MAST3: variants seen among roughly 807,000 people sequenced by gnomAD.
MAST3 encodes the protein microtubule associated serine/threonine kinase 3.
In MAST3, 43 loss-of-function variants were observed where a neutral mutation model predicts 127.0. The observed-to-expected ratio is 0.34, with a 90% CI of 0.27 to 0.44. MAST3 has a LOEUF of 0.44. Ranked by LOEUF, MAST3 falls within the 20% of genes least tolerant of loss-of-function variation. The pLI, the probability that MAST3 is intolerant of heterozygous loss-of-function variation, is 1.00. For synonymous variants in MAST3, 785 were observed against 809.2 expected, an observed-to-expected ratio of 0.97 and a Z score of 0.51; for missense variants, 1,390 against 1,919.1, an observed-to-expected ratio of 0.72 and a Z score of 5.15.
At chr19:18,123,543 C>T (rs2040240257) in intron 7 of MAST3, 37 bp from the exon 8 acceptor site, 1 of 1,502,460 alleles carries the variant, frequency 6.7e-7, no homozygotes, top group Non-Finnish European at 8.9e-7. Flanking sequence ...GGGTTGGTCT[C>T]AGGTCCCATA....
chr19:18,098,533 G>A (rs895170246), intron 1 of MAST3, among the ~76,000 whole-genome samples: 19 of 152,254 alleles, frequency 1.2e-4, no homozygotes, highest in African/African-American at 4.6e-4. Flanking sequence ...TCATCAGGAG[G>A]TAGGGACACA....
intron 3 of MAST3, chr19:18,118,377 G>C (rs923496019): frequency 3.7e-5 from 17 of 463,656 alleles, no homozygotes; most frequent in African/African-American, 3.0e-4. Context: ...CAGTGGGAAG[G>C]GGGGAGGACG....
At chr19:18,128,283 C>G in intron 11 of MAST3, 117 bp from the exon 12 acceptor site, 1 of 719,414 alleles carries the variant, frequency 1.4e-6, no homozygotes, top group East Asian at 2.7e-5. Flanking sequence ...GAGAGCTGGT[C>G]AGGGGAGGCA....
At chr19:18,130,814 C>A in intron 14 of MAST3, 112 bp downstream of exon 14, 3 of 1,127,700 alleles carry the variant, frequency 2.7e-6, no homozygotes, top group South Asian at 1.4e-5. Context: ...TGAGGTCTCA[C>A]CCTGCTTTGG....
At position 18,144,140 on chromosome 19, in the gene MAST3, G is replaced by A. The variant is rs865790059; in HGVS notation, c.2584+133G>A. On this transcript the variant is annotated intron_variant, in intron 22 of 27. Transcript: ENST00000687212. The surrounding 1 kb of genome is among the most constrained non-coding windows in gnomAD (Gnocchi z 4.0). ...AGGCTTTAAGAGAGGAGAAGCCAGG[G>A]TCCCAGAGAGACCCCCAGCCCCCAA... 18 of 1,289,750 alleles carry A rather than the reference G, an allele frequency of 1.4e-5. No individual in the cohort carries two copies. In the South Asian group the frequency reaches 2.8e-4, roughly 20 times the overall value. 79.9% of individuals were successfully genotyped at this position (1,289,750 alleles called of 1,614,324 possible).
chr19:18,115,480 G>A (rs145004084), intron 3 of MAST3, among the ~76,000 whole-genome samples: 1 of 152,122 alleles, frequency 6.6e-6, no homozygotes, highest in African/African-American at 2.4e-5. Context: ...AGCAAGTGGA[G>A]ACTGTGGCCC....
intron 19 of MAST3, 73 bp downstream of exon 19, chr19:18,137,434 G>T: frequency 6.6e-7 from 1 of 1,517,620 alleles, no homozygotes; most frequent in East Asian, 2.3e-5. Flanking sequence ...GCAGAGGGCT[G>T]TGTGCCAGGC....
intron 17 of MAST3, 123 bp from the exon 18 acceptor site, chr19:18,135,617 C>T (rs2041817113): frequency 8.4e-6 from 6 of 714,106 alleles, no homozygotes; most frequent in Non-Finnish European, 1.2e-5. Flanking sequence ...TGCCACGTTG[C>T]AGGGGCAGAG....
chr19:18,110,154 G>A lies in MAST3; in HGVS notation c.72-498G>A. The A allele has an allele frequency of 1.0e-6, 1 of 985,368 alleles. No individual in the cohort carries two copies. The highest frequency in any genetic ancestry group is 1.7e-5 in the African/African-American group (1 of 57,344). 61.0% of individuals were successfully genotyped at this position (985,368 alleles called of 1,614,324 possible). ...CCCCGCCCCGAGGCGGAGCCAGCCC[G>A]GCCCCCAGCGGCCCAGCCCCCGCGT... On this transcript the variant is annotated intron_variant, in intron 2 of 27. Coordinates refer to ENST00000687212, the MANE Select transcript of MAST3 (RefSeq NM_001393504.1). The surrounding 1 kb of genome is among the most constrained non-coding windows in gnomAD (Gnocchi z 4.3).
At chr19:18,142,149 G>C (rs1049170885) in intron 21 of MAST3, 134 bp downstream of exon 21, 17 of 991,636 alleles carry the variant, frequency 1.7e-5, no homozygotes, top group Non-Finnish European at 4.0e-6. Context: ...AGCCTATCAG[G>C]TCCCTGGCAA....
At chr19:18,101,378 C>G (rs1328788880) in intron 1 of MAST3, among the ~76,000 whole-genome samples, 1 of 151,028 alleles carries the variant, frequency 6.6e-6, no homozygotes, top group Non-Finnish European at 1.5e-5. Context: ...TCTCCTCCTC[C>G]TCCTCCTCCT....
At chr19:18,125,062 G>A (rs956709370) in intron 11 of MAST3, among the ~76,000 whole-genome samples, 2 of 151,954 alleles carry the variant, frequency 1.3e-5, no homozygotes, top group African/African-American at 2.4e-5. Flanking sequence ...AGCTGAGATC[G>A]CGCCACTGCA....
intron 18 of MAST3, 69 bp from the exon 19 acceptor site, chr19:18,137,170 T>TG: frequency 6.4e-7 from 1 of 1,573,340 alleles, no homozygotes; most frequent in Non-Finnish European, 8.6e-7. Context: ...GCATGGGCAG[T>TG]GGGGGTAGGG....
At position 18,149,443 on chromosome 19, in the gene MAST3, C is replaced by G; in HGVS notation, c.3761C>G (p.Pro1254Arg). ...PGHPPAPARS[P>R]RLRRGQSADK... ...CACCCGCCCGCACCTGCCCGATCCC[C>G]GCGGCTGCGCCGGGGCCAGTCAGCT... The change falls in exon 28 of 28, where the codon CCG (proline) becomes CGG (arginine). Residue 1254 changes from proline to arginine, a missense_variant. Physicochemically the swap from Pro to Arg is moderately radical, Grantham distance 103 (BLOSUM62 -2). This residue lies in a region of MAST3 where 816 missense variants were observed against 934.1 expected (regional missense o/e 0.87). Transcript: ENST00000687212. The surrounding 1 kb of genome is among the most constrained non-coding windows in gnomAD (Gnocchi z 5.9). 6.6e-7 allele frequency: 1 copy of G among 1,526,530 alleles called. No individual in the cohort carries two copies. The allele number at this position is 1,526,530 out of a possible 1,614,324, so 94.6% of individuals were successfully genotyped here.
rs865933972 is a variant in MAST3, at chr19:18,108,154, G to A, written c.71+536G>A. Among the ~76,000 whole-genome samples, 5 of 151,976 alleles carry A rather than the reference G, an allele frequency of 3.3e-5. No homozygotes were observed. In the South Asian group the frequency reaches 6.2e-4, roughly 19 times the overall value. ...AAAAATACAAAAAAATTAACCAGGC[G>A]TGGTGGTGCTCGCTTGTAATCCCAG... On this transcript the variant is annotated intron_variant, in intron 2 of 27. Coordinates refer to ENST00000687212, the MANE Select transcript of MAST3 (RefSeq NM_001393504.1).
chr19:18,134,013 T>G (rs1357780807), intron 15 of MAST3, among the ~76,000 whole-genome samples: 2 of 152,148 alleles, frequency 1.3e-5, no homozygotes, highest in African/African-American at 4.8e-5. Context: ...CATCTGCCAC[T>G]TAAAAATACA....
intron 2 of MAST3, among the ~76,000 whole-genome samples, chr19:18,109,160 G>A (rs554408013): frequency 1.3e-5 from 2 of 152,296 alleles, no homozygotes; most frequent in South Asian, 4.1e-4. Flanking sequence ...AGTATGCTTG[G>A]CGTTAGAAGA....
At position 18,124,688 on chromosome 19, in the gene MAST3, G is replaced by A; in HGVS notation, c.992G>A (p.Gly331Asp). Residue 331 changes from glycine (G) to aspartate (D), a missense_variant, in exon 11 of 28, where the codon GGC becomes GAC. Gly to Asp is a moderately conservative substitution (Grantham distance 94). Coordinates refer to ENST00000687212, the MANE Select transcript of MAST3 (RefSeq NM_001393504.1). Reference protein sequence around the residue: ...EFYHLLEAAEGHAREGQGIKT... With the variant: ...EFYHLLEAAEDHAREGQGIKT... ...TACCACCTGCTGGAGGCGGCTGAGGGCCATGCGCGGGAGGGCCAAGGCATT... is the reference window on the plus strand; with the variant it reads ...TACCACCTGCTGGAGGCGGCTGAGGACCATGCGCGGGAGGGCCAAGGCATT... The A allele has an allele frequency of 1.2e-6, 2 of 1,611,384 alleles. No individual in the cohort carries two copies. Among genetic ancestry groups the A allele is most frequent in the Non-Finnish European group, 1.7e-6 (2 of 1,178,976 alleles).
At chr19:18,097,936 G>A (rs2037123845) in intron 1 of MAST3, 105 bp downstream of exon 1, 1 of 896,646 alleles carries the variant, frequency 1.1e-6, no homozygotes, top group Non-Finnish European at 1.5e-6. Flanking sequence ...TAGGGAAACT[G>A]AGGCAGAGGG....
Sources: gnomAD v4.1 joint callset for allele counts (sites outside exome capture counted in the v4.1 genomes callset) on GRCh38, gnomAD v4.1.1 for gene constraint, gnomAD v4.1.1 regional missense constraint, Gnocchi (gnomAD v3.1) non-coding constraint, MANE v1.5 for transcripts, NCBI Gene and HGNC (gene_info 2026-07-23, HGNC 2026-07-21) for gene names.